IGSF11: variants seen among roughly 807,000 people sequenced by gnomAD.
The protein encoded by IGSF11 is immunoglobulin superfamily member 11.
IGSF11 carries 22 observed loss-of-function variants against 41.0 expected under a neutral mutation model. The ratio of observed to expected loss-of-function variants is 0.54; its 90% CI spans 0.38 to 0.77. IGSF11 has a LOEUF of 0.77. IGSF11 is among the 30% of genes least tolerant of loss of function. IGSF11 has a pLI of 0.00. For synonymous variants in IGSF11, 219 were observed against 201.3 expected, an observed-to-expected ratio of 1.09 and a Z score of -0.74; for missense variants, 444 against 530.8, an observed-to-expected ratio of 0.84 and a Z score of 1.61.
intron 1 of IGSF11, among the ~76,000 whole-genome samples, chr3:119,132,542 AC>A (rs1260495021): frequency 1.3e-5 from 2 of 152,164 alleles, no homozygotes; most frequent in Non-Finnish European, 2.9e-5. Flanking sequence ...ATAGATATGC[AC>A]CCAATATGGG....
Position 118,920,716 on chromosome 3 carries a change from C to A in IGSF11, c.580+5385G>T, listed in dbSNP as rs1222964247. ...AAGAAAATTGGCATAATTATAAGAA[C>A]AAATTGACAAATCCACAGTCTTACA... is the stretch of plus-strand genomic sequence containing the variant. On this transcript the variant is annotated intron_variant, in intron 4 of 6. Transcript: ENST00000393775. 2.6e-5 allele frequency among the ~76,000 whole-genome samples: 4 copies of A among 152,060 alleles called. No homozygotes were observed. In the East Asian group the frequency reaches 7.7e-4, roughly 29 times the overall value.
chr3:118,945,447 C>A (rs1181411996), intron 1 of IGSF11, among the ~76,000 whole-genome samples: 2 of 152,184 alleles, frequency 1.3e-5, no homozygotes, highest in East Asian at 3.8e-4. Context: ...AGTCAAAAAA[C>A]TTCCCATGAT....
intron 1 of IGSF11, among the ~76,000 whole-genome samples, chr3:119,023,262 CAAAAAAAAAAAAAAAAA>C (rs3049118): frequency 1.7e-5 from 1 of 60,262 alleles, no homozygotes; most frequent in Non-Finnish European, 2.9e-5. Context: ...GACTCCGTCT[CAAAAAAAAAAAAAAAAA>C]AAAAAAAAAA....
At chr3:118,978,818 A>C (rs1259961478) in intron 1 of IGSF11, among the ~76,000 whole-genome samples, 2 of 152,216 alleles carry the variant, frequency 1.3e-5, no homozygotes, top group Non-Finnish European at 2.9e-5. Flanking sequence ...AAATTGGAAG[A>C]AGCAACTGTT....
Position 118,915,254 on chromosome 3 carries a change from G to T in IGSF11, c.581-9536C>A, listed in dbSNP as rs560042155. On this transcript the variant is annotated intron_variant, in intron 4 of 6. Transcript: ENST00000393775. ...ACCAGCAATGGAACAAAGCTGGATGGAGAAAGATTTTGACGAGCTGAGAGA... is the reference window on the plus strand; with the variant it reads ...ACCAGCAATGGAACAAAGCTGGATGTAGAAAGATTTTGACGAGCTGAGAGA... Among the ~76,000 whole-genome samples the T allele has an allele frequency of 9.0e-4, 128 of 141,836 alleles. 6 individuals are homozygous for T. The highest frequency in any genetic ancestry group is 1.9e-3 in the Admixed American group (26 of 13,518). The allele number at this position is 141,836 out of a possible 152,430, so 93.0% of individuals were successfully genotyped here. A position where few individuals can be genotyped will look rare whatever the true frequency, so the allele number is the denominator to read the frequency against.
chr3:119,057,235 G>T (rs1423831135), intron 1 of IGSF11, among the ~76,000 whole-genome samples: 1 of 152,142 alleles, frequency 6.6e-6, no homozygotes, highest in African/African-American at 2.4e-5. Context: ...CATCGTCTCA[G>T]CCCAAAATCT....
chr3:119,123,237 C>T (rs774182502), intron 1 of IGSF11, among the ~76,000 whole-genome samples: 1 of 152,128 alleles, frequency 6.6e-6, no homozygotes, highest in Non-Finnish European at 1.5e-5. Flanking sequence ...GTGGTGGTAG[C>T]GGCCACAGGG....
chr3:119,118,802 C>G (rs571670454), intron 1 of IGSF11, among the ~76,000 whole-genome samples: 20 of 152,314 alleles, frequency 1.3e-4, no homozygotes, highest in African/African-American at 4.6e-4. Context: ...TGTTTTGCTG[C>G]TTAGAAACTT....
At chr3:118,976,140 T>C (rs1032570772) in intron 1 of IGSF11, among the ~76,000 whole-genome samples, 6 of 152,196 alleles carry the variant, frequency 3.9e-5, no homozygotes, top group Non-Finnish European at 8.8e-5. Flanking sequence ...GTTTAAGCTG[T>C]ATGCATTTCA....
At chr3:118,957,678 AT>A (rs1472251995) in intron 1 of IGSF11, among the ~76,000 whole-genome samples, 1 of 152,162 alleles carries the variant, frequency 6.6e-6, no homozygotes, top group African/African-American at 2.4e-5. Flanking sequence ...TTTAAACATA[AT>A]TTTTTCAATG....
At chr3:119,135,434 T>C (rs1369141139) in intron 1 of IGSF11, among the ~76,000 whole-genome samples, 2 of 152,160 alleles carry the variant, frequency 1.3e-5, no homozygotes, top group Non-Finnish European at 2.9e-5. Context: ...AAAGAAGACA[T>C]TTATGCAGCC....
At chr3:118,985,467 C>G (rs1444169071) in intron 1 of IGSF11, among the ~76,000 whole-genome samples, 1 of 152,226 alleles carries the variant, frequency 6.6e-6, no homozygotes, top group Non-Finnish European at 1.5e-5. Flanking sequence ...AGCTGTGTTT[C>G]TGGCCTTGAC....
chr3:119,007,925 A>G (rs1158264191), intron 1 of IGSF11, among the ~76,000 whole-genome samples: 1 of 152,178 alleles, frequency 6.6e-6, no homozygotes, highest in Non-Finnish European at 1.5e-5. Flanking sequence ...CAGAAAATAT[A>G]TGCTTCGGCT....
chr3:119,002,218 G>C (rs1160112072), intron 1 of IGSF11, among the ~76,000 whole-genome samples: 14 of 136,566 alleles, frequency 1.0e-4, no homozygotes, highest in South Asian at 7.5e-4. Flanking sequence ...TTCTCTGATG[G>C]CCAGTGATGA....
chr3:118,924,687 C>A (rs1166452584), intron 4 of IGSF11, among the ~76,000 whole-genome samples: 7 of 152,058 alleles, frequency 4.6e-5, no homozygotes, highest in Non-Finnish European at 8.8e-5. Flanking sequence ...ATGGAAGGCT[C>A]TTTCTACAGC....
At position 118,902,838 on chromosome 3, in the gene IGSF11, T is replaced by G. The variant is rs745360918; in HGVS notation, c.978A>C (p.Pro326=). ...CTGACTCTGTGTTTCTATGAACTTT[T>G]GGATTGTTGCTCCAGTATCGACTGT... ...AYNSRYWSNN[P]KVHRNTESVS... is the part of the protein sequence containing the mutation. The change falls in exon 7 of 7, where the codon CCA becomes CCC. Residue 326 remains proline (P), a synonymous_variant. Transcript: ENST00000393775. 3 of 1,614,232 alleles carry G rather than the reference T, an allele frequency of 1.9e-6. No individual in the cohort carries two copies. The highest frequency in any genetic ancestry group is 2.5e-6 in the Non-Finnish European group (3 of 1,180,030).
chr3:119,059,363 G>A (rs1451938831), intron 1 of IGSF11, among the ~76,000 whole-genome samples: 2 of 152,122 alleles, frequency 1.3e-5, no homozygotes, highest in Non-Finnish European at 2.9e-5. Context: ...GCTAAGACAT[G>A]AGGACACAAA....
At chr3:119,059,806 G>A (rs1941996028) in intron 1 of IGSF11, among the ~76,000 whole-genome samples, 1 of 152,128 alleles carries the variant, frequency 6.6e-6, no homozygotes, top group African/African-American at 2.4e-5. Context: ...CAACCAGGAA[G>A]CAATTACATA....
At chr3:118,941,202 C>G (rs1416470191) in intron 1 of IGSF11, among the ~76,000 whole-genome samples, 1 of 151,920 alleles carries the variant, frequency 6.6e-6, no homozygotes, top group African/African-American at 2.4e-5. Context: ...AATAAAAATA[C>G]AAGCCATAGG....
Sources: gnomAD v4.1 joint callset for allele counts (sites outside exome capture counted in the v4.1 genomes callset) on GRCh38, gnomAD v4.1.1 for gene constraint, MANE v1.5 for transcripts, NCBI Gene and HGNC (gene_info 2026-07-23, HGNC 2026-07-21) for gene names.